Variants in CLTB observed in about 807,000 individuals in gnomAD.
CLTB encodes clathrin light chain B, also known as clathrin, light chain (Lcb).
Under a neutral mutation model 30.5 loss-of-function variants are expected in CLTB, and 10 were observed. The observed-to-expected ratio is 0.33, with a 90% CI of 0.20 to 0.56. The LOEUF is 0.56. CLTB is among the 20% of genes least tolerant of loss of function. The probability of loss-of-function intolerance (pLI) is 0.91; values close to 1 mark genes in which losing one functional copy is unlikely to be tolerated. For missense variants in CLTB, 261 were observed against 308.3 expected (o/e 0.85, Z 1.15); for synonymous variants, 102 against 120.3 (o/e 0.85, Z 1.00).
chr5:176,405,647 G>A (rs748338559), intron 2 of CLTB: 144 of 152,108 alleles, frequency 9.5e-4, no homozygotes, highest in Non-Finnish European at 7.1e-4. Flanking sequence ...ATGAATGAAC[G>A]ACCAAACGTA....
In CLTB at chr5:176,393,494, G is replaced by A. The variant is rs1011225457; in HGVS notation, c.519-549C>T. Among the ~76,000 whole-genome samples the A allele has an allele frequency of 6.6e-6, 1 of 152,206 alleles. No homozygotes were observed. The highest frequency in any genetic ancestry group is 1.5e-5 in the Non-Finnish European group (1 of 68,024). ...TGGTCAAATACCTATGGAAAACCCAGCTAAAGAGGATCTTTACAGCAAGAC... is the reference window on the plus strand; with the variant it reads ...TGGTCAAATACCTATGGAAAACCCAACTAAAGAGGATCTTTACAGCAAGAC... On this transcript the variant is annotated intron_variant, in intron 5 of 5. Coordinates refer to ENST00000310418, the MANE Select transcript of CLTB (RefSeq NM_007097.5). The surrounding 1 kb of genome is among the most constrained non-coding windows in gnomAD (Gnocchi z 4.4).
rs1303597426 is a variant in CLTB at position 176,397,587 on chromosome 5, T to C, written c.464+20A>G. ...CCCTCATGTCCCCATGGCCCCCTCA[T>C]GTCCCTACAGCCCTCTCACCGGTTG... On this transcript the variant is annotated intron_variant, in intron 4 of 5. Transcript: ENST00000310418. 2 of 919,386 alleles carry C rather than the reference T, an allele frequency of 2.2e-6. No individual in the cohort carries two copies. Among genetic ancestry groups the C allele is most frequent in the Middle Eastern group, 2.5e-4 (1 of 3,962 alleles). 57.0% of individuals were successfully genotyped at this position (919,386 alleles called of 1,614,324 possible). A position where few individuals can be genotyped will look rare whatever the true frequency, so the allele number is the denominator to read the frequency against.
chr5:176,406,695 TG>T, intron 2 of CLTB: 1 of 1,288,294 alleles, frequency 7.8e-7, no homozygotes. Context: ...CTGGACCCGC[TG>T]GTGGTGCACG....
chr5:176,406,648 G>A (rs1312182284), intron 2 of CLTB: 1 of 1,289,390 alleles, frequency 7.8e-7, no homozygotes, highest in Non-Finnish European at 1.0e-6. Flanking sequence ...TTGTGGGCAG[G>A]CTCGTCCTTA....
In CLTB at chr5:176,393,461, A is replaced by G. The variant is rs1423460594; in HGVS notation, c.519-516T>C. 6.6e-6 allele frequency among the ~76,000 whole-genome samples: 1 copy of G among 152,236 alleles called. No individual in the cohort carries two copies. Among genetic ancestry groups the G allele is most frequent in the Non-Finnish European group, 1.5e-5 (1 of 68,048 alleles). On this transcript the variant is annotated intron_variant, in intron 5 of 5. Coordinates refer to ENST00000310418, the MANE Select transcript of CLTB (RefSeq NM_007097.5). The surrounding 1 kb of genome is among the most constrained non-coding windows in gnomAD (Gnocchi z 4.4). ...AATGTTCTGTGTGAGGATTCTCCAG[A>G]AAGACTGTGGTCAAATACCTATGGA...
chr5:176,398,605 C>T (rs541621814), intron 2 of CLTB, among the ~76,000 whole-genome samples: 11 of 151,546 alleles, frequency 7.3e-5, no homozygotes, highest in Non-Finnish European at 1.5e-4. Context: ...CCAGCTACTC[C>T]GGAGGCTGAG....
chr5:176,394,442 C>T (rs1238536386), intron 5 of CLTB, among the ~76,000 whole-genome samples: 4 of 151,984 alleles, frequency 2.6e-5, no homozygotes, highest in Non-Finnish European at 4.4e-5. Context: ...GAGGCAGAGG[C>T]GGGTGGATCA....
chr5:176,412,553 A>G (rs1757498150), intron 1 of CLTB, among the ~76,000 whole-genome samples: 1 of 152,212 alleles, frequency 6.6e-6, no homozygotes, highest in Non-Finnish European at 1.5e-5. Context: ...TGGAGGCCAC[A>G]TGAGGTTAAT....
In CLTB at chr5:176,397,589, T is replaced by C; in HGVS notation, c.464+18A>G. ...CTCATGTCCCCATGGCCCCCTCATG[T>C]CCCTACAGCCCTCTCACCGGTTGTT... On this transcript the variant is annotated intron_variant, in intron 4 of 5. Coordinates refer to ENST00000310418, the MANE Select transcript of CLTB (RefSeq NM_007097.5). 8.0e-7 allele frequency: 1 copy of C among 1,247,688 alleles called. No individual in the cohort carries two copies. The allele number at this position is 1,247,688 out of a possible 1,614,324, so 77.3% of individuals were successfully genotyped here. A position where few individuals can be genotyped will look rare whatever the true frequency, so the allele number is the denominator to read the frequency against.
intron 2 of CLTB, chr5:176,406,222 G>A (rs543918729): frequency 1.9e-5 from 19 of 1,003,676 alleles, no homozygotes; most frequent in Non-Finnish European, 2.1e-5. Flanking sequence ...GATCACCAGC[G>A]GCTAGAGCAA....
rs377121216 is a variant in CLTB, at chr5:176,411,992, C to T, written c.188-1689G>A. 4.7e-4 allele frequency among the ~76,000 whole-genome samples: 72 copies of T among 151,926 alleles called. No individual in the cohort carries two copies. In the South Asian group the frequency reaches 7.1e-3, roughly 15 times the overall value. ...GAGATCGAGACCATCCTGGCTAACA[C>T]GGTGAAACCCCGTCTCTACTAAAAA... On this transcript the variant is annotated intron_variant, in intron 1 of 5. Coordinates refer to ENST00000310418, the MANE Select transcript of CLTB (RefSeq NM_007097.5).
At chr5:176,396,374 G>T in intron 5 of CLTB, 105 bp downstream of exon 5, 2 of 1,061,014 alleles carry the variant, frequency 1.9e-6, no homozygotes, top group South Asian at 1.3e-5. Context: ...CCATTGCTCC[G>T]AGCCCAGCCA....
chr5:176,400,783 A>C (rs1200259899), intron 2 of CLTB, among the ~76,000 whole-genome samples: 1 of 152,094 alleles, frequency 6.6e-6, no homozygotes, highest in Non-Finnish European at 1.5e-5. Context: ...AGTGTCTGGC[A>C]CACTCTCTGT....
intron 1 of CLTB, 89 bp from the exon 2 acceptor site, chr5:176,410,392 C>CTG (rs769317309): frequency 3.0e-6 from 3 of 1,014,942 alleles, no homozygotes; most frequent in Non-Finnish European, 4.6e-6. Context: ...AACCCAAACT[C>CTG]TGTGTATACC....
chr5:176,398,419 A>G (rs1271403780), intron 2 of CLTB, among the ~76,000 whole-genome samples: 1 of 152,188 alleles, frequency 6.6e-6, no homozygotes, highest in Non-Finnish European at 1.5e-5. Context: ...TGAGTTAAAA[A>G]TTATAAAGAA....
chr5:176,392,745 T>C lies in CLTB; in HGVS notation c.*29A>G, dbSNP rs1756313720. On this transcript the variant is annotated 3_prime_UTR_variant, in exon 6 of 6. Coordinates refer to ENST00000310418, the MANE Select transcript of CLTB (RefSeq NM_007097.5). The surrounding 1 kb of genome is among the most constrained non-coding windows in gnomAD (Gnocchi z 5.2). ...TCCTCCTGTGCCCAGGCCCAGCCCATGCTCTGTGGCCATGCACCTAGCAGG... is the reference window on the plus strand; with the variant it reads ...TCCTCCTGTGCCCAGGCCCAGCCCACGCTCTGTGGCCATGCACCTAGCAGG... 1 of 1,611,604 alleles carries C rather than the reference T, an allele frequency of 6.2e-7. No homozygotes were observed. Among genetic ancestry groups the C allele is most frequent in the African/African-American group, 1.3e-5 (1 of 74,872 alleles).
intron 1 of CLTB, among the ~76,000 whole-genome samples, chr5:176,413,871 G>A (rs908364123): frequency 6.6e-6 from 1 of 152,144 alleles, no homozygotes; most frequent in African/African-American, 2.4e-5. Flanking sequence ...GCAGGTATGC[G>A]CCTGGGAGAC....
Position 176,416,073 on chromosome 5 carries a change from C to T in CLTB, c.187+104G>A, listed in dbSNP as rs1757675310. 2.1e-5 allele frequency: 22 copies of T among 1,062,134 alleles called. No homozygotes were observed. The South Asian group carries it at 3.4e-4, about 16-fold the overall frequency. 65.8% of individuals were successfully genotyped at this position (1,062,134 alleles called of 1,614,324 possible). A position where few individuals can be genotyped will look rare whatever the true frequency, so the allele number is the denominator to read the frequency against. On this transcript the variant is annotated intron_variant, in intron 1 of 5. Transcript: ENST00000310418. ...CTTCCCCACGTCTCCCAGCTCCTGCCCCGGGTGGCCTAGAGCAGGCTCTCT... is the reference window on the plus strand; with the variant it reads ...CTTCCCCACGTCTCCCAGCTCCTGCTCCGGGTGGCCTAGAGCAGGCTCTCT...
chr5:176,392,587 T>C lies in CLTB; in HGVS notation c.*187A>G. 1 of 611,918 alleles carries C rather than the reference T, an allele frequency of 1.6e-6. No individual in the cohort carries two copies. Among genetic ancestry groups the C allele is most frequent in the South Asian group, 2.0e-5 (1 of 49,172 alleles). The allele number at this position is 611,918 out of a possible 1,614,324, so 37.9% of individuals were successfully genotyped here. A position where few individuals can be genotyped will look rare whatever the true frequency, so the allele number is the denominator to read the frequency against. On this transcript the variant is annotated 3_prime_UTR_variant, in exon 6 of 6. Transcript: ENST00000310418. This position sits in a 1 kb window ranked among gnomAD's most constrained non-coding sequence, Gnocchi z 5.2. Reference sequence around the variant, plus strand: ...TAGACTGAGAGGAGGCGTGAGGGGCTGGACCAGAGGGCCAGGAGGGAGCGA... The same window carrying C: ...TAGACTGAGAGGAGGCGTGAGGGGCCGGACCAGAGGGCCAGGAGGGAGCGA...
Sources: gnomAD v4.1 joint callset for allele counts (sites outside exome capture counted in the v4.1 genomes callset) on GRCh38, gnomAD v4.1.1 for gene constraint, Gnocchi (gnomAD v3.1) non-coding constraint, MANE v1.5 for transcripts, NCBI Gene and HGNC (gene_info 2026-07-23, HGNC 2026-07-21) for gene names.